The following KHDRBS2 variants were observed in gnomAD, a reference collection of about 807,000 sequenced individuals.
KHDRBS2 encodes KH RNA binding domain containing, signal transduction associated 2, also known as KH domain-containing, RNA-binding, signal transduction-associated protein 2.
A neutral mutation model predicts 44.3 loss-of-function variants in KHDRBS2; 26 were observed. The ratio of observed to expected loss-of-function variants is 0.59; its 90% CI spans 0.43 to 0.81. KHDRBS2 has a LOEUF of 0.81. Ranked by LOEUF, KHDRBS2 falls within the 40% of genes least tolerant of loss-of-function variation. KHDRBS2 has a pLI of 0.00. For missense variants in KHDRBS2, 476 were observed against 433.1 expected, an observed-to-expected ratio of 1.10 and a Z score of -0.88; for synonymous variants, 194 against 151.1, an observed-to-expected ratio of 1.28 and a Z score of -2.08.
chr6:61,785,098 C>G (rs549479238), intron 6 of KHDRBS2, among the ~76,000 whole-genome samples: 95 of 151,898 alleles, frequency 6.3e-4, no homozygotes, highest in African/African-American at 2.2e-3. Flanking sequence ...TGCAATGAGT[C>G]ATAATCGTGA....
chr6:61,582,165 G>C, the KHDRBS2 span, among the ~76,000 whole-genome samples: 1 of 151,846 alleles, frequency 6.6e-6, no homozygotes, highest in East Asian at 1.9e-4. Flanking sequence ...TAATATGTGA[G>C]CTAAGCATTT....
the KHDRBS2 span, among the ~76,000 whole-genome samples, chr6:61,614,338 G>A: frequency 6.6e-6 from 1 of 152,038 alleles, no homozygotes; most frequent in East Asian, 1.9e-4. Flanking sequence ...CAGTTCACCT[G>A]CCATGATGAT....
At chr6:62,256,368 G>C (rs116253316) in intron 1 of KHDRBS2, among the ~76,000 whole-genome samples, 8 of 151,910 alleles carry the variant, frequency 5.3e-5, no homozygotes, top group Admixed American at 4.6e-4. Flanking sequence ...CAATTCCCAC[G>C]TGTTGTTGTG....
At chr6:62,026,218 T>C (rs1441763201) in intron 3 of KHDRBS2, among the ~76,000 whole-genome samples, 2 of 151,502 alleles carry the variant, frequency 1.3e-5, no homozygotes, top group African/African-American at 4.8e-5. Context: ...ATGACAGAAT[T>C]CTATAACACT....
intron 2 of KHDRBS2, among the ~76,000 whole-genome samples, chr6:62,052,615 A>G (rs1036781727): frequency 2.8e-4 from 1 of 3,534 alleles, no homozygotes; most frequent in Non-Finnish European, 5.7e-4. Flanking sequence ...GTGGGGGTGG[A>G]GGAGGGTGGG....
At chr6:62,175,214 T>G (rs2150121934) in intron 2 of KHDRBS2, among the ~76,000 whole-genome samples, 1 of 151,762 alleles carries the variant, frequency 6.6e-6, no homozygotes, top group African/African-American at 2.4e-5. Flanking sequence ...TAAAGTTATC[T>G]TATGTGTGAT....
chr6:61,951,259 G>T (rs1764677119), intron 4 of KHDRBS2, among the ~76,000 whole-genome samples: 1 of 151,950 alleles, frequency 6.6e-6, no homozygotes, highest in African/African-American at 2.4e-5. Context: ...ACTTGAGATT[G>T]ACAAATGGCT....
intron 4 of KHDRBS2, among the ~76,000 whole-genome samples, chr6:61,943,878 T>C (rs1163222285): frequency 2.6e-5 from 4 of 152,092 alleles, no homozygotes; most frequent in South Asian, 2.1e-4. Context: ...AAAGAAGATA[T>C]AGTGACGACA....
At chr6:61,874,991 C>T (rs1207765899) in intron 6 of KHDRBS2, among the ~76,000 whole-genome samples, 3 of 152,078 alleles carry the variant, frequency 2.0e-5, no homozygotes, top group Non-Finnish European at 4.4e-5. Context: ...AGCATGTCCT[C>T]GGTAAGGCCT....
At chr6:61,587,388 C>G in the KHDRBS2 span, among the ~76,000 whole-genome samples, 1 of 147,144 alleles carries the variant, frequency 6.8e-6, no homozygotes, top group African/African-American at 2.5e-5. Context: ...TCTCTGCAAA[C>G]AGGTTTCTGG....
At position 61,896,893 on chromosome 6, in the gene KHDRBS2, T is replaced by C. The variant is rs374306997; in HGVS notation, c.612-2060A>G. Among the ~76,000 whole-genome samples, 9 of 152,150 alleles carry C rather than the reference T, an allele frequency of 5.9e-5. No individual in the cohort carries two copies. In the East Asian group the frequency reaches 9.6e-4, roughly 16 times the overall value. On this transcript the variant is annotated intron_variant, in intron 5 of 8. Coordinates refer to ENST00000281156, the MANE Select transcript of KHDRBS2 (RefSeq NM_152688.4). The stretch of plus-strand genomic sequence containing the variant: ...CTACTATTTTTAAGATTGTGGACTA[T>C]TATCTGGAAAATGTTTCTTTGGACT...
At chr6:61,724,183 C>A (rs935402642) in intron 7 of KHDRBS2, among the ~76,000 whole-genome samples, 12 of 152,052 alleles carry the variant, frequency 7.9e-5, no homozygotes, top group African/African-American at 2.9e-4. Context: ...AAGAAAAGAA[C>A]TTCTAATCCA....
chr6:62,176,112 C>T (rs947327868), intron 2 of KHDRBS2, among the ~76,000 whole-genome samples: 1 of 151,356 alleles, frequency 6.6e-6, no homozygotes, highest in Non-Finnish European at 1.5e-5. Flanking sequence ...CATATTTCTA[C>T]CTTATTTCAC....
chr6:62,237,189 A>T (rs1470279737), intron 1 of KHDRBS2, among the ~76,000 whole-genome samples: 15 of 152,206 alleles, frequency 9.9e-5, no homozygotes, highest in Non-Finnish European at 2.9e-5. Flanking sequence ...ACGTGTTAAG[A>T]AGATAGAGGC....
chr6:61,811,949 T>C (rs1212608161), intron 6 of KHDRBS2, among the ~76,000 whole-genome samples: 5 of 152,144 alleles, frequency 3.3e-5, no homozygotes, highest in Admixed American at 6.6e-5. Context: ...AAAATGCCTA[T>C]AGCACAGACT....
chr6:61,810,649 C>G (rs1318891003), intron 6 of KHDRBS2, among the ~76,000 whole-genome samples: 1 of 152,014 alleles, frequency 6.6e-6, no homozygotes, highest in South Asian at 2.1e-4. Context: ...CAAATATGTA[C>G]TGCTTATTAC....
chr6:61,848,491 G>GTATATATATATA (rs1180750340), intron 6 of KHDRBS2, among the ~76,000 whole-genome samples: 1 of 30,482 alleles, frequency 3.3e-5, no homozygotes, highest in African/African-American at 1.6e-4. Flanking sequence ...ATATATATAT[G>GTATATATATATA]TATATATATA....
chr6:62,227,853 G>A (rs1030171508), intron 1 of KHDRBS2, among the ~76,000 whole-genome samples: 17 of 152,198 alleles, frequency 1.1e-4, no homozygotes, highest in East Asian at 5.8e-4. Flanking sequence ...TTGAACCAGC[G>A]TTGACCCTAG....
chr6:61,899,976 A>C (rs1803673052), intron 5 of KHDRBS2, among the ~76,000 whole-genome samples: 1 of 151,974 alleles, frequency 6.6e-6, no homozygotes, highest in African/African-American at 2.4e-5. Context: ...ACAACCCATA[A>C]AAAAGTACAG....
Sources: gnomAD v4.1 joint callset for allele counts (sites outside exome capture counted in the v4.1 genomes callset) on GRCh38, gnomAD v4.1.1 for gene constraint, MANE v1.5 for transcripts, NCBI Gene and HGNC (gene_info 2026-07-23, HGNC 2026-07-21) for gene names.